The following AAK1 variants were observed in gnomAD, a reference collection of about 807,000 sequenced individuals.
The protein encoded by AAK1 is AP2-associated protein kinase 1.
Under a neutral mutation model 116.0 loss-of-function variants are expected in AAK1, and 37 were observed. That is an observed-to-expected ratio of 0.32 (90% confidence interval 0.25 to 0.42). The LOEUF (loss-of-function observed/expected upper bound fraction) is 0.42, where lower values mean the gene tolerates loss of function less well. Among genes scored for constraint, AAK1 ranks in the 10% least tolerant of loss-of-function variants. The probability of loss-of-function intolerance (pLI) is 1.00; values close to 1 mark genes in which losing one functional copy is unlikely to be tolerated. For synonymous variants in AAK1, 458 were observed against 439.9 expected (o/e 1.04, Z -0.51); for missense variants, 919 against 1,170.6 (o/e 0.79, Z 3.14).
At chr2:69,573,460 G>GT (rs1245002374) in intron 2 of AAK1, among the ~76,000 whole-genome samples, 4 of 152,206 alleles carry the variant, frequency 2.6e-5, no homozygotes, top group African/African-American at 4.8e-5. Flanking sequence ...AATGCTAGTG[G>GT]TAAGGCTACA....
In AAK1 at chr2:69,467,958, A is replaced by G. The variant is rs568388852; in HGVS notation, c.*7911T>C. The G allele has an allele frequency of 1.0e-6, 1 of 985,388 alleles. No homozygotes were observed. The highest frequency in any genetic ancestry group is 6.1e-5 in the Admixed American group (1 of 16,280). 61.0% of individuals were successfully genotyped at this position (985,388 alleles called of 1,614,324 possible). ...TTTTTAAACAGTTCTGACCTTAAAT[A>G]TTGTTTTCAGAAACAGAACAAAAAT... On this transcript the variant is annotated 3_prime_UTR_variant, in exon 22 of 22. Transcript: ENST00000409085.
At chr2:69,613,626 A>G (rs1674189326) in intron 2 of AAK1, among the ~76,000 whole-genome samples, 1 of 152,214 alleles carries the variant, frequency 6.6e-6, no homozygotes. Flanking sequence ...TATGTAATAA[A>G]GCCTCCATAA....
chr2:69,627,666 G>A (rs1573022548), intron 2 of AAK1, among the ~76,000 whole-genome samples: 1 of 152,372 alleles, frequency 6.6e-6, no homozygotes, highest in East Asian at 1.9e-4. Context: ...TTGCAGGTCA[G>A]TGTGAGGAGT....
intron 2 of AAK1, among the ~76,000 whole-genome samples, chr2:69,611,975 G>A (rs182435965): frequency 2.3e-4 from 35 of 152,322 alleles, no homozygotes; most frequent in African/African-American, 8.4e-4. Context: ...AAGTAGAATG[G>A]TGGCTGCCAG....
chr2:69,617,819 C>T (rs757159097), intron 2 of AAK1, among the ~76,000 whole-genome samples: 1 of 152,146 alleles, frequency 6.6e-6, no homozygotes, highest in African/African-American at 2.4e-5. Flanking sequence ...ATGGAGATGC[C>T]TCTACTATTT....
At chr2:69,594,463 TG>T (rs1673172983) in intron 2 of AAK1, among the ~76,000 whole-genome samples, 1 of 152,226 alleles carries the variant, frequency 6.6e-6, no homozygotes, top group African/African-American at 2.4e-5. Flanking sequence ...TCAAAATAAA[TG>T]ATTTACAATT....
In AAK1 at chr2:69,643,045, C is replaced by A. The variant is rs1483116088; in HGVS notation, c.-5G>T. 7 of 1,590,468 alleles carry A rather than the reference C, an allele frequency of 4.4e-6. No homozygotes were observed. Among genetic ancestry groups the A allele is most frequent in the South Asian group, 3.4e-5 (3 of 88,492 alleles). On this transcript the variant is annotated 5_prime_UTR_variant, in exon 2 of 22. Transcript: ENST00000409085. ...GGAGTCGAAAAACTTCTTCATCTTG[C>A]GAATAGGGAGCAGCAAAGCAAAATA... is the stretch of plus-strand genomic sequence containing the variant.
intron 2 of AAK1, among the ~76,000 whole-genome samples, chr2:69,621,163 T>C (rs1456483610): frequency 6.6e-6 from 1 of 152,166 alleles, no homozygotes; most frequent in Admixed American, 6.5e-5. Flanking sequence ...AATTCAAGTA[T>C]ATAGTAGAGT....
At chr2:69,487,757 A>G (rs1675353242) in intron 17 of AAK1, among the ~76,000 whole-genome samples, 1 of 150,672 alleles carries the variant, frequency 6.6e-6, no homozygotes, top group Non-Finnish European at 1.5e-5. Flanking sequence ...AAAATGGTCC[A>G]GTTTTGCATT....
intron 17 of AAK1, among the ~76,000 whole-genome samples, chr2:69,483,885 C>T (rs1675190376): frequency 6.6e-6 from 1 of 152,204 alleles, no homozygotes; most frequent in Non-Finnish European, 1.5e-5. Flanking sequence ...ATTTGGATTC[C>T]TTCCAAAACA....
intron 2 of AAK1, among the ~76,000 whole-genome samples, chr2:69,613,092 A>G (rs1442498614): frequency 6.6e-6 from 1 of 152,212 alleles, no homozygotes. Flanking sequence ...ACTTTAAGAC[A>G]GGCATCTTGT....
At position 69,530,649 on chromosome 2, in the gene AAK1, G is replaced by A; in HGVS notation, c.714C>T (p.Ile238=). 1 of 1,613,710 alleles carries A rather than the reference G, an allele frequency of 6.2e-7. No homozygotes were observed. Among genetic ancestry groups the A allele is most frequent in the South Asian group, 1.1e-5 (1 of 91,070 alleles). The change falls in exon 7 of 22, where the codon ATC becomes ATT. Residue 238 remains isoleucine (I), a synonymous_variant. Coordinates refer to ENST00000409085, the MANE Select transcript of AAK1 (RefSeq NM_014911.5). ...PEMVNLYSGK[I]ITTKADIWAL... Reference sequence around the variant, plus strand: ...CCCAAATGTCTGCCTTCGTAGTGATGATTTTGCCACTGTACAGGTTGACCA... The same window carrying A: ...CCCAAATGTCTGCCTTCGTAGTGATAATTTTGCCACTGTACAGGTTGACCA...
chr2:69,605,075 C>A (rs1293137976), intron 2 of AAK1, among the ~76,000 whole-genome samples: 2 of 152,106 alleles, frequency 1.3e-5, no homozygotes, highest in Non-Finnish European at 2.9e-5. Flanking sequence ...TTTACAGAGC[C>A]CCAGCATGTG....
intron 2 of AAK1, among the ~76,000 whole-genome samples, chr2:69,640,053 A>ACTCTCTCTCTCTCTCTCTCTCT (rs1177010194): frequency 1.1e-5 from 1 of 92,742 alleles, no homozygotes. Flanking sequence ...ACACACACAC[A>ACTCTCTCTCTCTCTCTCTCTCT]CTCTCTCTCT....
At chr2:69,529,947 C>T (rs961748669) in intron 8 of AAK1, 61 bp downstream of exon 8, 1 of 1,368,484 alleles carries the variant, frequency 7.3e-7, no homozygotes, top group African/African-American at 1.5e-5. Flanking sequence ...TCCCTTTATC[C>T]CCCAATTCAT....
chr2:69,596,870 C>G (rs1371714710), intron 2 of AAK1, among the ~76,000 whole-genome samples: 2 of 152,170 alleles, frequency 1.3e-5, no homozygotes, highest in African/African-American at 4.8e-5. Context: ...CCAGGGTGCA[C>G]TCTCTGCCTT....
At chr2:69,500,696 T>TACAC (rs1433743875) in intron 16 of AAK1, among the ~76,000 whole-genome samples, 154 of 99,336 alleles carry the variant, frequency 1.6e-3, no homozygotes, top group African/African-American at 4.4e-3. Context: ...TATATATATA[T>TACAC]ATACACACAC....
intron 2 of AAK1, chr2:69,594,665 G>A: frequency 1.8e-6 from 1 of 565,728 alleles, no homozygotes; most frequent in South Asian, 2.1e-5. Context: ...CAAAGAAAAT[G>A]TTCTTGAAGG....
intron 17 of AAK1, among the ~76,000 whole-genome samples, chr2:69,493,317 C>T (rs1675614914): frequency 6.6e-6 from 1 of 151,940 alleles, no homozygotes; most frequent in African/African-American, 2.4e-5. Context: ...AAGGACGGGG[C>T]TAAACGACCT....
Sources: allele counts gnomAD v4.1 joint callset (sites outside exome capture counted in the v4.1 genomes callset), GRCh38; gene constraint gnomAD v4.1.1; transcripts MANE v1.5; gene names NCBI Gene and HGNC (gene_info 2026-07-23, HGNC 2026-07-21).